The following CA1 variants were observed in gnomAD, a reference collection of about 807,000 sequenced individuals.
CA1 encodes the protein carbonate dehydratase I.
CA1 carries 27 observed loss-of-function variants against 28.8 expected under a neutral mutation model. That is an observed-to-expected ratio of 0.94 (90% CI 0.69 to 1.29). CA1 has a LOEUF of 1.29. Ranked by LOEUF, CA1 falls within the 50% of genes most tolerant of loss-of-function variation. The pLI is 0.00. For synonymous variants in CA1, 121 were observed against 108.8 expected (o/e 1.11, Z -0.70); for missense variants, 335 against 310.5 (o/e 1.08, Z -0.59).
At chr8:85,373,322 G>A (rs1425534192) in intron 1 of CA1, 2 of 152,204 alleles carry the variant, frequency 1.3e-5, no homozygotes, top group East Asian at 1.9e-4. Flanking sequence ...CAAGAAATGA[G>A]TTGACACCAC....
At chr8:85,337,955 T>G (rs181653971) in intron 3 of CA1, 21 of 491,688 alleles carry the variant, frequency 4.3e-5, no homozygotes, top group South Asian at 9.8e-5. Context: ...ACTAGACCTT[T>G]CTGGATAAAT....
rs1251906822 is a variant in CA1, at chr8:85,328,546, T to G, written c.*14A>C. ...CTGTGTTCTTGAGGAAGGACAAGTT[T>G]CTTCTCAGAATCATCAAAATGAAGC... On this transcript the variant is annotated 3_prime_UTR_variant, in exon 8 of 8. Transcript: ENST00000523022. 2 of 1,451,958 alleles carry G rather than the reference T, an allele frequency of 1.4e-6. No individual in the cohort carries two copies. The highest frequency in any genetic ancestry group is 2.3e-5 in the East Asian group (1 of 44,074). 89.9% of individuals were successfully genotyped at this position (1,451,958 alleles called of 1,614,324 possible).
At chr8:85,336,243 T>C (rs574331677) in intron 4 of CA1, among the ~76,000 whole-genome samples, 137 of 152,294 alleles carry the variant, frequency 9.0e-4, no homozygotes, top group African/African-American at 3.1e-3. Context: ...AGAATTCATT[T>C]GATGAAAGTA....
chr8:85,332,909 A>G (rs1489129286), intron 5 of CA1, among the ~76,000 whole-genome samples: 1 of 152,172 alleles, frequency 6.6e-6, no homozygotes, highest in Non-Finnish European at 1.5e-5. Context: ...AGTATTTGGC[A>G]TATTGTAAGT....
At chr8:85,340,442 G>A (rs759494118) in intron 2 of CA1, among the ~76,000 whole-genome samples, 3 of 152,184 alleles carry the variant, frequency 2.0e-5, no homozygotes, top group African/African-American at 7.2e-5. Flanking sequence ...ACTGCTCATT[G>A]ACAGTGCACC....
intron 4 of CA1, among the ~76,000 whole-genome samples, chr8:85,333,947 G>C (rs1277460858): frequency 6.6e-6 from 1 of 152,134 alleles, no homozygotes; most frequent in East Asian, 1.9e-4. Context: ...GAAAATAATT[G>C]AAGTAATTTT....
intron 1 of CA1, among the ~76,000 whole-genome samples, chr8:85,374,001 A>G (rs1444789157): frequency 6.6e-6 from 1 of 152,160 alleles, no homozygotes; most frequent in Non-Finnish European, 1.5e-5. Flanking sequence ...TCTGGAGATG[A>G]TGCGCGATGG....
chr8:85,341,715 G>A, intron 1 of CA1, 56 bp from the exon 2 acceptor site: 1 of 942,906 alleles, frequency 1.1e-6, no homozygotes. Context: ...TGCAGGAGAT[G>A]CCTTAAATCC....
At chr8:85,377,991 G>T (rs1003867014) in intron 1 of CA1, 55 bp downstream of exon 1, 1 of 152,080 alleles carries the variant, frequency 6.6e-6, no homozygotes, top group Non-Finnish European at 1.5e-5. Flanking sequence ...TTTGGCAGTC[G>T]GATAAAACAC....
chr8:85,332,528 G>T lies in CA1; in HGVS notation c.475C>A (p.Gln159Lys). The T allele has an allele frequency of 6.2e-7, 1 of 1,613,044 alleles. No individual in the cohort carries two copies. Among genetic ancestry groups the T allele is most frequent in the East Asian group, 2.2e-5 (1 of 44,770 alleles). Residue 159 changes from glutamine to lysine, a missense_variant, in exon 6 of 8, where the codon CAG becomes AAG. Gln to Lys is a moderately conservative substitution (Grantham distance 53, BLOSUM62 1). Coordinates refer to ENST00000523022, the MANE Select transcript of CA1 (RefSeq NM_001128831.4). ...MKVGEANPKLQKVLDALQAIK... is the reference protein window; with the variant it reads ...MKVGEANPKLKKVLDALQAIK... ...GCTTGGAGGGCATCAAGTACTTTCT[G>T]CAGCTTTGGGTTGGCCTCACCAACC...
At chr8:85,368,931 G>A (rs532525690) in intron 1 of CA1, among the ~76,000 whole-genome samples, 3 of 152,110 alleles carry the variant, frequency 2.0e-5, no homozygotes, top group East Asian at 1.9e-4. Flanking sequence ...ATAGAGCTTC[G>A]AGGGAAGGAT....
rs767015445 is a variant in CA1, at chr8:85,341,456, A to G, written c.37+143T>C. 358 of 634,734 alleles carry G rather than the reference A, an allele frequency of 5.6e-4. 1 individual carries two copies. The highest frequency in any genetic ancestry group is 2.2e-3 in the Admixed American group (91 of 40,782). 39.3% of individuals were successfully genotyped at this position (634,734 alleles called of 1,614,324 possible). ...CCCCAAAAGACAATGCTAAGAATAC[A>G]TGCAAAGATAGTATAATTATTTAAA... is the stretch of plus-strand genomic sequence containing the variant. On this transcript the variant is annotated intron_variant, in intron 2 of 7. Transcript: ENST00000523022.
At chr8:85,346,655 G>A (rs948199485) in intron 1 of CA1, among the ~76,000 whole-genome samples, 2 of 152,054 alleles carry the variant, frequency 1.3e-5, no homozygotes, top group African/African-American at 2.4e-5. Flanking sequence ...CTAGCTACTC[G>A]GGAGGCTGAG....
chr8:85,362,770 T>C (rs1046810249), intron 1 of CA1, among the ~76,000 whole-genome samples: 1 of 152,244 alleles, frequency 6.6e-6, no homozygotes, highest in Non-Finnish European at 1.5e-5. Flanking sequence ...TTGGCTGTAG[T>C]TGATGTAGCA....
chr8:85,371,206 T>C (rs1810211737), intron 1 of CA1, among the ~76,000 whole-genome samples: 1 of 152,004 alleles, frequency 6.6e-6, no homozygotes, highest in South Asian at 2.1e-4. Context: ...TAACTGGGGG[T>C]TCTAGCTCCC....
intron 5 of CA1, 111 bp downstream of exon 5, chr8:85,333,414 G>T: frequency 2.8e-6 from 2 of 710,356 alleles, no homozygotes; most frequent in South Asian, 3.0e-5. Flanking sequence ...TCGGTTAAAT[G>T]GAAACTTTAA....
chr8:85,330,539 G>T (rs1333843926), intron 6 of CA1, among the ~76,000 whole-genome samples: 1 of 152,098 alleles, frequency 6.6e-6, no homozygotes, highest in Non-Finnish European at 1.5e-5. Flanking sequence ...TCTTGTCCCT[G>T]ACTGAAATGT....
At chr8:85,362,385 C>T (rs1470405070) in intron 1 of CA1, among the ~76,000 whole-genome samples, 1 of 152,044 alleles carries the variant, frequency 6.6e-6, no homozygotes, top group Non-Finnish European at 1.5e-5. Flanking sequence ...ATTGTTGGGG[C>T]CAATTATTTA....
At chr8:85,346,158 A>C (rs1809175640) in intron 1 of CA1, among the ~76,000 whole-genome samples, 1 of 152,164 alleles carries the variant, frequency 6.6e-6, no homozygotes, top group African/African-American at 2.4e-5. Flanking sequence ...TGAAAATATT[A>C]AATTTTAAGT....
Sources: gnomAD v4.1 joint callset for allele counts (sites outside exome capture counted in the v4.1 genomes callset) on GRCh38, gnomAD v4.1.1 for gene constraint, MANE v1.5 for transcripts, NCBI Gene and HGNC (gene_info 2026-07-23, HGNC 2026-07-21) for gene names.